The following ME3 variants were observed in gnomAD, a reference collection of about 807,000 sequenced individuals.
ME3 encodes the protein NADP-dependent malic enzyme, mitochondrial.
In ME3, 48 loss-of-function variants were observed where a neutral mutation model predicts 68.9. The ratio of observed to expected loss-of-function variants is 0.70; its 90% confidence interval spans 0.55 to 0.89. The LOEUF (loss-of-function observed/expected upper bound fraction) is 0.89. ME3 is among the 40% of genes least tolerant of loss of function. The pLI, the probability that ME3 is intolerant of heterozygous loss-of-function variation, is 0.00. For synonymous variants in ME3, 320 were observed against 318.8 expected, an observed-to-expected ratio of 1.00 and a Z score of -0.04; for missense variants, 675 against 797.4, an observed-to-expected ratio of 0.85 and a Z score of 1.85.
At chr11:86,654,582 TGA>T (rs773813822) in intron 2 of ME3, among the ~76,000 whole-genome samples, 12 of 152,212 alleles carry the variant, frequency 7.9e-5, no homozygotes, top group Non-Finnish European at 1.5e-4. Flanking sequence ...AATTAGGTAT[TGA>T]TGGGACATAT....
In ME3 at chr11:86,448,433, A is replaced by G. The variant is rs181282822; in HGVS notation, c.1132-178T>C. Among the ~76,000 whole-genome samples, 7 of 152,312 alleles carry G rather than the reference A, an allele frequency of 4.6e-5. No homozygotes were observed. The East Asian group carries it at 9.6e-4, about 21-fold the overall frequency. ...TTCCTGGCAGAACCTATGGTGGGAC[A>G]TAAGTGTGAGAGTGGGGTGTGTGTG... On this transcript the variant is annotated intron_variant, in intron 10 of 14. Coordinates refer to ENST00000543262, the Ensembl canonical transcript of ME3.
intron 4 of ME3, among the ~76,000 whole-genome samples, chr11:86,524,125 C>G (rs765028653): frequency 6.6e-6 from 1 of 152,118 alleles, no homozygotes; most frequent in Admixed American, 6.5e-5. Flanking sequence ...TGGCACAGAC[C>G]CACACATGCC....
chr11:86,455,643 G>A (rs758353341), intron 8 of ME3, among the ~76,000 whole-genome samples: 1 of 152,116 alleles, frequency 6.6e-6, no homozygotes, highest in Non-Finnish European at 1.5e-5. Flanking sequence ...CATTTCCCCT[G>A]CTATTCTACC....
chr11:86,490,889 C>G (rs569232017), intron 6 of ME3, among the ~76,000 whole-genome samples: 1 of 152,148 alleles, frequency 6.6e-6, no homozygotes, highest in Admixed American at 6.5e-5. Flanking sequence ...AAGTTAAGTT[C>G]CCCAGTGGCA....
chr11:86,568,338 A>G (rs569667622), intron 2 of ME3, among the ~76,000 whole-genome samples: 6 of 152,308 alleles, frequency 3.9e-5, no homozygotes, highest in Non-Finnish European at 8.8e-5. Context: ...AGATCTAACA[A>G]CCAATGGGTT....
chr11:86,497,996 G>T, exon 6 of ME3: 1 of 1,610,906 alleles, frequency 6.2e-7, no homozygotes, highest in Non-Finnish European at 8.5e-7. Context: ...GCAGCACAGG[G>T]AGGCACTGCT....
intron 4 of ME3, among the ~76,000 whole-genome samples, chr11:86,517,915 T>G (rs1445791639): frequency 6.6e-6 from 1 of 152,176 alleles, no homozygotes; most frequent in Non-Finnish European, 1.5e-5. Flanking sequence ...ATTTTGACAG[T>G]TGTAAACTAG....
chr11:86,605,975 A>G lies in ME3; in HGVS notation c.184-46152T>C, dbSNP rs1206048126. ...CACAAGTGCCCAGAAAAATCTGACTATTTCTCCACTACAGCCATTTTCTAA... is the reference window on the plus strand; with the variant it reads ...CACAAGTGCCCAGAAAAATCTGACTGTTTCTCCACTACAGCCATTTTCTAA... On this transcript the variant is annotated intron_variant, in intron 2 of 14. Coordinates refer to ENST00000543262, the Ensembl canonical transcript of ME3. Among the ~76,000 whole-genome samples, 29 of 152,204 alleles carry G rather than the reference A, an allele frequency of 1.9e-4. No individual in the cohort carries two copies. The East Asian group carries it at 5.6e-3, about 29-fold the overall frequency.
At chr11:86,637,078 A>C (rs1396280291) in intron 2 of ME3, among the ~76,000 whole-genome samples, 1 of 152,232 alleles carries the variant, frequency 6.6e-6, no homozygotes, top group Non-Finnish European at 1.5e-5. Flanking sequence ...AAAAATGAGC[A>C]AATCAGTAAT....
chr11:86,543,394 T>G (rs1956165624), intron 4 of ME3, among the ~76,000 whole-genome samples: 1 of 152,312 alleles, frequency 6.6e-6, no homozygotes, highest in East Asian at 1.9e-4. Flanking sequence ...ATTGGTGTGC[T>G]GTATTCAGGA....
intron 8 of ME3, among the ~76,000 whole-genome samples, chr11:86,454,050 C>T (rs899559350): frequency 6.6e-6 from 1 of 152,116 alleles, no homozygotes; most frequent in Non-Finnish European, 1.5e-5. Flanking sequence ...AAAGTAATCA[C>T]AATCAGCAAC....
chr11:86,588,091 C>G (rs1958843849), intron 2 of ME3, among the ~76,000 whole-genome samples: 1 of 152,200 alleles, frequency 6.6e-6, no homozygotes, highest in African/African-American at 2.4e-5. Context: ...GTATGCCTTA[C>G]TATGTGCCAG....
intron 2 of ME3, among the ~76,000 whole-genome samples, chr11:86,653,971 TAC>T (rs1422264264): frequency 1.3e-5 from 2 of 152,246 alleles, no homozygotes; most frequent in East Asian, 3.9e-4. Context: ...TAAACACCTC[TAC>T]ACAAATAAAC....
chr11:86,491,367 C>T (rs1449631309), intron 6 of ME3, among the ~76,000 whole-genome samples: 1 of 152,220 alleles, frequency 6.6e-6, no homozygotes, highest in Non-Finnish European at 1.5e-5. Flanking sequence ...CAGCTCCTCA[C>T]CCTCTGCCGG....
At chr11:86,611,868 C>A (rs1158082988) in intron 2 of ME3, among the ~76,000 whole-genome samples, 1 of 152,182 alleles carries the variant, frequency 6.6e-6, no homozygotes, top group East Asian at 1.9e-4. Flanking sequence ...ACACCAATAT[C>A]AACCATTTAT....
At chr11:86,486,556 A>G (rs1160647847) in intron 7 of ME3, among the ~76,000 whole-genome samples, 3 of 152,242 alleles carry the variant, frequency 2.0e-5, no homozygotes, top group African/African-American at 4.8e-5. Context: ...AAGGATGGGC[A>G]GGCCATCTCT....
At chr11:86,523,429 T>C (rs970226962) in intron 4 of ME3, among the ~76,000 whole-genome samples, 4 of 152,192 alleles carry the variant, frequency 2.6e-5, no homozygotes, top group African/African-American at 9.7e-5. Context: ...CAGGTGATGA[T>C]TGTAAAACAC....
chr11:86,520,515 G>A (rs1033836932), intron 4 of ME3, among the ~76,000 whole-genome samples: 13 of 151,428 alleles, frequency 8.6e-5, no homozygotes, highest in Non-Finnish European at 1.5e-4. Flanking sequence ...AGACCAACGA[G>A]AATTAGAGAA....
intron 2 of ME3, among the ~76,000 whole-genome samples, chr11:86,631,710 C>T (rs568505127): frequency 5.3e-5 from 8 of 152,250 alleles, no homozygotes; most frequent in African/African-American, 1.4e-4. Flanking sequence ...TGGAAGCCTA[C>T]GGGCTGCCAG....
Sources: gnomAD v4.1 joint callset for allele counts (sites outside exome capture counted in the v4.1 genomes callset) on GRCh38, gnomAD v4.1.1 for gene constraint, MANE v1.5 for transcripts, NCBI Gene and HGNC (gene_info 2026-07-23, HGNC 2026-07-21) for gene names.